The following PTPRC variants were observed in gnomAD, a reference collection of about 807,000 sequenced individuals.
PTPRC encodes the protein receptor-type tyrosine-protein phosphatase C.
Under a neutral mutation model 155.9 loss-of-function variants are expected in PTPRC, and 44 were observed. That is an observed-to-expected ratio of 0.28 (90% CI 0.22 to 0.36). The LOEUF (loss-of-function observed/expected upper bound fraction) is 0.36, where lower values mean the gene tolerates loss of function less well. Among genes scored for constraint, PTPRC ranks in the 10% least tolerant of loss-of-function variants. The probability of loss-of-function intolerance (pLI) is 1.00; values close to 1 mark genes in which losing one functional copy is unlikely to be tolerated. For synonymous variants in PTPRC, 525 were observed against 533.1 expected (o/e 0.98, Z 0.21); for missense variants, 1,401 against 1,564.6 (o/e 0.90, Z 1.76).
At chr1:198,718,031 G>C in intron 13 of PTPRC, 63 bp from the exon 14 acceptor site, 1 of 1,319,930 alleles carries the variant, frequency 7.6e-7, no homozygotes. Flanking sequence ...TCCAAGTATT[G>C]TCAAGTAATT....
At chr1:198,674,854 G>T (rs1475701941) in intron 2 of PTPRC, among the ~76,000 whole-genome samples, 1 of 152,084 alleles carries the variant, frequency 6.6e-6, no homozygotes, top group African/African-American at 2.4e-5. Context: ...GGTTACATTT[G>T]TTAAAACTAA....
At chr1:198,743,653 A>G (rs1655014015) in intron 25 of PTPRC, among the ~76,000 whole-genome samples, 1 of 152,004 alleles carries the variant, frequency 6.6e-6, no homozygotes, top group South Asian at 2.1e-4. Context: ...AGGTTTTCTA[A>G]GGAATAACAA....
chr1:198,645,996 C>T (rs1010359227), intron 2 of PTPRC, among the ~76,000 whole-genome samples: 5 of 151,716 alleles, frequency 3.3e-5, no homozygotes, highest in Admixed American at 6.6e-5. Context: ...TTAAAAGCTC[C>T]TATTGGTAGA....
chr1:198,731,507 C>A (rs41269907), intron 17 of PTPRC, 110 bp from the exon 18 acceptor site: 2 of 787,086 alleles, frequency 2.5e-6, no homozygotes, highest in East Asian at 2.7e-5. Context: ...GAAATGTGTA[C>A]GAGGAGGAAA....
chr1:198,705,473 T>A (rs1159184620), intron 8 of PTPRC, among the ~76,000 whole-genome samples: 4 of 149,362 alleles, frequency 2.7e-5, no homozygotes, highest in Non-Finnish European at 1.5e-5. Context: ...CGGGCTGGAG[T>A]GCAGTGGTAC....
chr1:198,654,927 G>C lies in PTPRC; in HGVS notation c.73+15586G>C, dbSNP rs1290915478. Among the ~76,000 whole-genome samples the C allele has an allele frequency of 4.6e-5, 7 of 151,904 alleles. No homozygotes were observed. The East Asian group carries it at 1.4e-3, about 29-fold the overall frequency. On this transcript the variant is annotated intron_variant, in intron 2 of 32. Coordinates refer to ENST00000442510, the MANE Select transcript of PTPRC (RefSeq NM_002838.5). Reference sequence around the variant, plus strand: ...TTTTATCTCAGGAAATATATCAGTGGACTGAAAATGTCAAATCAATTCAAT... The same window carrying C: ...TTTTATCTCAGGAAATATATCAGTGCACTGAAAATGTCAAATCAATTCAAT...
chr1:198,709,495 A>C (rs528009666), intron 10 of PTPRC, among the ~76,000 whole-genome samples, 192 bp from the exon 11 acceptor site: 1 of 152,202 alleles, frequency 6.6e-6, no homozygotes, highest in East Asian at 1.9e-4. Context: ...TGAATAAGGG[A>C]AACTCAGCCT....
intron 3 of PTPRC, among the ~76,000 whole-genome samples, chr1:198,696,206 A>G (rs1666196175): frequency 6.8e-6 from 1 of 146,304 alleles, no homozygotes; most frequent in South Asian, 2.1e-4. Flanking sequence ...TTTTTCATGG[A>G]TATATATATA....
intron 2 of PTPRC, among the ~76,000 whole-genome samples, chr1:198,682,642 A>G (rs1295145129): frequency 1.3e-5 from 2 of 152,232 alleles, no homozygotes; most frequent in African/African-American, 4.8e-5. Context: ...TAGGTTGATC[A>G]GCAAAGGCTT....
At chr1:198,717,629 C>G (rs1478699492) in intron 13 of PTPRC, among the ~76,000 whole-genome samples, 1 of 152,146 alleles carries the variant, frequency 6.6e-6, no homozygotes, top group Non-Finnish European at 1.5e-5. Flanking sequence ...TCCTGAGTTT[C>G]TGTATCACAG....
chr1:198,705,620 C>T (rs1652916141), intron 8 of PTPRC, among the ~76,000 whole-genome samples: 1 of 151,844 alleles, frequency 6.6e-6, no homozygotes, highest in African/African-American at 2.4e-5. Context: ...TGGGATTCAC[C>T]ATGTTGCCCA....
intron 26 of PTPRC, among the ~76,000 whole-genome samples, chr1:198,746,460 T>C (rs533119720): frequency 2.0e-5 from 3 of 151,046 alleles, no homozygotes; most frequent in Non-Finnish European, 3.0e-5. Flanking sequence ...AGGTTTTAAT[T>C]GGTGGAAAGA....
At chr1:198,750,648 C>A (rs1344439287) in intron 29 of PTPRC, 22 bp downstream of exon 29, 1 of 1,610,330 alleles carries the variant, frequency 6.2e-7, no homozygotes. Context: ...TGAGGATTTT[C>A]TTTTAAGCCT....
intron 2 of PTPRC, among the ~76,000 whole-genome samples, chr1:198,659,747 T>C (rs1663834751): frequency 6.6e-6 from 1 of 151,812 alleles, no homozygotes; most frequent in South Asian, 2.1e-4. Flanking sequence ...TTGTTCAGGC[T>C]GGTCTCGAGC....
chr1:198,748,480 G>A (rs1191697810), intron 27 of PTPRC, among the ~76,000 whole-genome samples: 2 of 151,352 alleles, frequency 1.3e-5, no homozygotes, highest in African/African-American at 4.8e-5. Context: ...TATAAAGCTG[G>A]GAGAAAAAAG....
chr1:198,683,437 T>C (rs981035475), intron 2 of PTPRC, among the ~76,000 whole-genome samples: 5 of 152,128 alleles, frequency 3.3e-5, no homozygotes, highest in African/African-American at 1.2e-4. Flanking sequence ...CTGAAGTATA[T>C]TGCATAAATC....
chr1:198,703,182 C>A, intron 6 of PTPRC, 116 bp from the exon 7 acceptor site: 2 of 1,409,768 alleles, frequency 1.4e-6, no homozygotes, highest in Non-Finnish European at 2.0e-6. Context: ...TCAAATCAAA[C>A]GAGGACTCCT....
In PTPRC at chr1:198,752,246, T is replaced by C. The variant is rs549374664; in HGVS notation, c.3208-3T>C. The C allele has an allele frequency of 6.2e-7, 1 of 1,610,938 alleles. No homozygotes were observed. Among genetic ancestry groups the C allele is most frequent in the Non-Finnish European group, 8.5e-7 (1 of 1,177,628 alleles). ...AATTGTTGAATTGTCTTCTTTTATC[T>C]AGGAAATCTGTGCTCAGTACTGGGG... On this transcript the variant is annotated splice_polypyrimidine_tract_variant and splice_region_variant and intron_variant, in intron 29 of 32. Coordinates refer to ENST00000442510, the MANE Select transcript of PTPRC (RefSeq NM_002838.5).
At chr1:198,753,218 T>A (rs1655466866) in intron 31 of PTPRC, among the ~76,000 whole-genome samples, 1 of 152,010 alleles carries the variant, frequency 6.6e-6, no homozygotes, top group South Asian at 2.1e-4. Flanking sequence ...AAGTTAAATA[T>A]TAACTGAAAT....
Sources: gnomAD v4.1 joint callset for allele counts (sites outside exome capture counted in the v4.1 genomes callset) on GRCh38, gnomAD v4.1.1 for gene constraint, MANE v1.5 for transcripts, NCBI Gene and HGNC (gene_info 2026-07-23, HGNC 2026-07-21) for gene names.